SHISAL1: variants seen among roughly 807,000 people sequenced by gnomAD.
The protein encoded by SHISAL1 is protein shisa-like-1.
A neutral mutation model predicts 22.6 loss-of-function variants in SHISAL1; 9 were observed. The ratio of observed to expected loss-of-function variants is 0.40; its 90% CI spans 0.24 to 0.70. The LOEUF is 0.70. Ranked by LOEUF, SHISAL1 falls within the 30% of genes least tolerant of loss-of-function variation. The pLI is 0.39. For missense variants in SHISAL1, 246 were observed against 270.6 expected (o/e 0.91, Z 0.64); for synonymous variants, 119 against 115.4 (o/e 1.03, Z -0.20).
chr22:44,311,925 AT>A (rs937632711), intron 1 of SHISAL1, among the ~76,000 whole-genome samples: 17 of 152,244 alleles, frequency 1.1e-4, no homozygotes, highest in South Asian at 1.0e-3. Context: ...TCCCAGAGGC[AT>A]TTTTTTCCCA....
rs1407255313 is a variant in SHISAL1, at chr22:44,246,922, C to G, written c.*2763G>C. On this transcript the variant is annotated 3_prime_UTR_variant, in exon 5 of 5. Coordinates refer to ENST00000381176, the MANE Select transcript of SHISAL1 (RefSeq NM_001099294.2). ...GCTTGCCACAGAATGTTCCAGTCCT[C>G]AGCCCAGCTGCCCAAGAGGGACTTG... 1 of 148,304 alleles carries G rather than the reference C, an allele frequency of 6.7e-6. No homozygotes were observed. Among genetic ancestry groups the G allele is most frequent in the African/African-American group, 2.5e-5 (1 of 40,044 alleles). The allele number at this position is 148,304 out of a possible 1,614,324, so 9.2% of individuals were successfully genotyped here. A position where few individuals can be genotyped will look rare whatever the true frequency, so the allele number is the denominator to read the frequency against.
chr22:44,246,984 A>T lies in SHISAL1; in HGVS notation c.*2701T>A, dbSNP rs548666061. 1.3e-5 allele frequency: 2 copies of T among 152,444 alleles called. No homozygotes were observed. The highest frequency in any genetic ancestry group is 1.3e-4 in the Admixed American group (2 of 15,312). The allele number at this position is 152,444 out of a possible 1,614,324, so 9.4% of individuals were successfully genotyped here. A position where few individuals can be genotyped will look rare whatever the true frequency, so the allele number is the denominator to read the frequency against. On this transcript the variant is annotated 3_prime_UTR_variant, in exon 5 of 5. Transcript: ENST00000381176. ...GGACCACAAACCCCATGGGTTTTTC[A>T]GTTATTCCTGAAAAGACCTCTTGCG...
chr22:44,328,624 G>A, the SHISAL1 span, among the ~76,000 whole-genome samples: 3 of 152,008 alleles, frequency 2.0e-5, no homozygotes, highest in Non-Finnish European at 4.4e-5. Context: ...TGTGGCCTTT[G>A]GGGTGGGGCT....
At chr22:44,312,364 A>C (rs554589658) in intron 1 of SHISAL1, among the ~76,000 whole-genome samples, 9 of 152,206 alleles carry the variant, frequency 5.9e-5, no homozygotes, top group Non-Finnish European at 1.3e-4. Flanking sequence ...AGCACTCCCT[A>C]GGCCATGCCG....
chr22:44,287,909 T>C (rs1206981942), intron 3 of SHISAL1, among the ~76,000 whole-genome samples: 1 of 152,044 alleles, frequency 6.6e-6, no homozygotes, highest in Non-Finnish European at 1.5e-5. Context: ...GTGGTTCCCA[T>C]GGCAGCAGCC....
At chr22:44,322,369 C>G in the SHISAL1 span, among the ~76,000 whole-genome samples, 1 of 152,158 alleles carries the variant, frequency 6.6e-6, no homozygotes, top group Non-Finnish European at 1.5e-5. Context: ...TGCCTCACTG[C>G]CCCAGGTGCC....
chr22:44,302,987 G>C (rs1426129738), intron 1 of SHISAL1, among the ~76,000 whole-genome samples: 1 of 152,056 alleles, frequency 6.6e-6, no homozygotes, highest in Non-Finnish European at 1.5e-5. Context: ...TAGAGACAGG[G>C]CTTTGGGCCC....
At chr22:44,329,211 G>A in the SHISAL1 span, among the ~76,000 whole-genome samples, 1 of 152,234 alleles carries the variant, frequency 6.6e-6, no homozygotes, top group Non-Finnish European at 1.5e-5. Flanking sequence ...AGGCATGGGG[G>A]CTCGGGGAGT....
chr22:44,274,005 G>A (rs1381332664), intron 4 of SHISAL1, among the ~76,000 whole-genome samples: 1 of 152,134 alleles, frequency 6.6e-6, no homozygotes, highest in Non-Finnish European at 1.5e-5. Flanking sequence ...ATTGCTTGAG[G>A]TCAGGAGTTC....
At chr22:44,297,903 C>CT (rs2055398647) in intron 2 of SHISAL1, among the ~76,000 whole-genome samples, 1 of 152,226 alleles carries the variant, frequency 6.6e-6, no homozygotes, top group East Asian at 1.9e-4. Context: ...AGCTCTGTGT[C>CT]TGCTGAGAGG....
intron 4 of SHISAL1, among the ~76,000 whole-genome samples, chr22:44,268,207 A>C (rs1455742734): frequency 6.6e-6 from 1 of 152,174 alleles, no homozygotes; most frequent in Admixed American, 6.5e-5. Context: ...TAATGGGAGG[A>C]GGCATTAGAC....
rs568790577 is a variant in SHISAL1, at chr22:44,264,367, C to T, written c.*-14682G>A. Among the ~76,000 whole-genome samples, 3 of 152,306 alleles carry T rather than the reference C, an allele frequency of 2.0e-5. No homozygotes were observed. The South Asian group carries it at 6.2e-4, about 32-fold the overall frequency. Reference sequence around the variant, plus strand: ...TCTCAATGGTGGTTCCTTTTGGCAGCCTCTCTCCAAGCCCAGTGCAGAGCC... The same window carrying T: ...TCTCAATGGTGGTTCCTTTTGGCAGTCTCTCTCCAAGCCCAGTGCAGAGCC... On this transcript the variant is annotated intron_variant, in intron 4 of 4. Transcript: ENST00000381176.
chr22:44,287,589 C>T (rs1296573049), intron 3 of SHISAL1, among the ~76,000 whole-genome samples: 1 of 152,120 alleles, frequency 6.6e-6, no homozygotes. Context: ...CTGCATCAGA[C>T]TGATGGGCTC....
intron 4 of SHISAL1, among the ~76,000 whole-genome samples, chr22:44,251,712 G>A (rs537690802): frequency 1.3e-5 from 2 of 152,168 alleles, no homozygotes; most frequent in Non-Finnish European, 2.9e-5. Flanking sequence ...ATCAGATTCG[G>A]TGAGATTCAT....
chr22:44,283,756 T>C (rs1255631853), intron 4 of SHISAL1, among the ~76,000 whole-genome samples: 1 of 152,208 alleles, frequency 6.6e-6, no homozygotes, highest in Non-Finnish European at 1.5e-5. Context: ...TCAAAAAGCT[T>C]GGCTCTTATA....
chr22:44,299,195 C>T (rs747874462), intron 2 of SHISAL1, among the ~76,000 whole-genome samples: 5 of 152,168 alleles, frequency 3.3e-5, no homozygotes, highest in African/African-American at 4.8e-5. Flanking sequence ...TGGGGCATGG[C>T]GTGACTCCAG....
intron 1 of SHISAL1, among the ~76,000 whole-genome samples, chr22:44,303,366 A>G (rs543982443): frequency 6.6e-6 from 1 of 152,252 alleles, no homozygotes; most frequent in East Asian, 1.9e-4. Flanking sequence ...AGATGAGGTC[A>G]TCAGGGTGAA....
chr22:44,308,041 G>T (rs968928149), intron 1 of SHISAL1, among the ~76,000 whole-genome samples: 2 of 152,234 alleles, frequency 1.3e-5, no homozygotes, highest in Non-Finnish European at 2.9e-5. Flanking sequence ...CTGCAGGACT[G>T]GGTCTAGGGC....
At chr22:44,313,979 T>C (rs79543218), upstream of SHISAL1, among the ~76,000 whole-genome samples, 6,351 of 152,196 alleles carry the variant, frequency 0.042, 448 homozygotes, top group African/African-American at 0.14. Context: ...ACCAGGGGGC[T>C]ATGGGCGCCC....
Sources: gnomAD v4.1 joint callset for allele counts (sites outside exome capture counted in the v4.1 genomes callset) on GRCh38, gnomAD v4.1.1 for gene constraint, MANE v1.5 for transcripts, NCBI Gene and HGNC (gene_info 2026-07-23, HGNC 2026-07-21) for gene names.